The following C1orf87 variants were observed in gnomAD, a reference collection of about 807,000 sequenced individuals.
C1orf87 encodes chromosome 1 open reading frame 87, also known as uncharacterized protein C1orf87.
In C1orf87, 58 loss-of-function variants were observed where a neutral mutation model predicts 60.5. That is an observed-to-expected ratio of 0.96 (90% CI 0.78 to 1.19). The LOEUF (loss-of-function observed/expected upper bound fraction) is 1.19, where lower values mean the gene tolerates loss of function less well. C1orf87 is among the 50% of genes most tolerant of loss of function. The pLI, the probability that C1orf87 is intolerant of heterozygous loss-of-function variation, is 0.00. For synonymous variants in C1orf87, 236 were observed against 227.4 expected (o/e 1.04, Z -0.34); for missense variants, 673 against 638.6 (o/e 1.05, Z -0.58).
intron 8 of C1orf87, among the ~76,000 whole-genome samples, chr1:60,019,382 G>A (rs1574304073): frequency 6.6e-6 from 1 of 152,152 alleles, no homozygotes; most frequent in South Asian, 2.1e-4. Flanking sequence ...AAATCTGTAA[G>A]TCAATTAAAC....
intron 8 of C1orf87, among the ~76,000 whole-genome samples, chr1:60,015,173 T>A (rs1385246052): frequency 6.6e-6 from 1 of 152,146 alleles, no homozygotes; most frequent in Non-Finnish European, 1.5e-5. Context: ...GCTATGGTCT[T>A]AGGGAAGTGA....
chr1:60,071,699 A>T (rs1645585076), intron 2 of C1orf87, among the ~76,000 whole-genome samples: 1 of 152,148 alleles, frequency 6.6e-6, no homozygotes, highest in Non-Finnish European at 1.5e-5. Context: ...CTGAATCTGT[A>T]TTTTTGAGGT....
At chr1:60,065,463 A>G (rs1019281887) in intron 2 of C1orf87, among the ~76,000 whole-genome samples, 1 of 152,046 alleles carries the variant, frequency 6.6e-6, no homozygotes, top group African/African-American at 2.4e-5. Flanking sequence ...GCTCAGAGAC[A>G]GCTTCTGGGA....
At chr1:60,056,651 A>G (rs992096962) in intron 2 of C1orf87, among the ~76,000 whole-genome samples, 1 of 152,236 alleles carries the variant, frequency 6.6e-6, no homozygotes, top group African/African-American at 2.4e-5. Context: ...CCAGAAGTTA[A>G]CAGTATCTCC....
intron 5 of C1orf87, among the ~76,000 whole-genome samples, chr1:60,039,477 C>G (rs973641751): frequency 1.3e-5 from 2 of 152,176 alleles, no homozygotes; most frequent in Non-Finnish European, 2.9e-5. Context: ...TGGACATCCT[C>G]TGGGCCTCAT....
At chr1:60,029,475 C>T (rs1645221441) in intron 7 of C1orf87, among the ~76,000 whole-genome samples, 1 of 151,892 alleles carries the variant, frequency 6.6e-6, no homozygotes, top group Non-Finnish European at 1.5e-5. Flanking sequence ...AAAATTCATG[C>T]TCCTTAGAAA....
At chr1:60,000,667 T>C (rs1279389169) in intron 10 of C1orf87, among the ~76,000 whole-genome samples, 2 of 152,058 alleles carry the variant, frequency 1.3e-5, no homozygotes, top group Admixed American at 1.3e-4. Context: ...TTTTAAAATG[T>C]GGTGTCTGGG....
chr1:60,065,419 T>C (rs1042603066), intron 2 of C1orf87, among the ~76,000 whole-genome samples: 14 of 152,118 alleles, frequency 9.2e-5, no homozygotes, highest in Admixed American at 3.3e-4. Context: ...TTCTAGCTGC[T>C]TATCTCTGCA....
intron 3 of C1orf87, 22 bp downstream of exon 3, chr1:60,055,182 G>A (rs758994537): frequency 1.6e-5 from 25 of 1,545,556 alleles, no homozygotes; most frequent in East Asian, 2.2e-5. Flanking sequence ...CAAGATAAAC[G>A]TGGGTATTTT....
intron 3 of C1orf87, among the ~76,000 whole-genome samples, chr1:60,052,356 G>T (rs549183546): frequency 2.0e-5 from 3 of 152,032 alleles, no homozygotes; most frequent in Non-Finnish European, 4.4e-5. Context: ...AAAAACATAC[G>T]CATATAAAGC....
At chr1:60,059,376 C>A (rs1466960242) in intron 2 of C1orf87, among the ~76,000 whole-genome samples, 1 of 152,130 alleles carries the variant, frequency 6.6e-6, no homozygotes, top group East Asian at 1.9e-4. Flanking sequence ...TCTGGGGGTG[C>A]CGTGAAGAGT....
At chr1:60,010,240 A>G in intron 9 of C1orf87, 152 bp downstream of exon 9, 1 of 703,224 alleles carries the variant, frequency 1.4e-6, no homozygotes, top group Non-Finnish European at 2.5e-6. Flanking sequence ...GGTGATTCTA[A>G]CCCCCATTTT....
At chr1:60,000,656 A>C (rs182862116) in intron 10 of C1orf87, among the ~76,000 whole-genome samples, 18 of 152,074 alleles carry the variant, frequency 1.2e-4, no homozygotes, top group Middle Eastern at 6.8e-3. Context: ...AGGCTATTAC[A>C]TTTTAAAATG....
At chr1:60,007,438 G>C (rs1401403349) in intron 9 of C1orf87, among the ~76,000 whole-genome samples, 1 of 151,880 alleles carries the variant, frequency 6.6e-6, no homozygotes, top group East Asian at 1.9e-4. Context: ...TCCCCATCTT[G>C]TCATTCATTT....
chr1:60,073,581 C>G (rs1249879511), intron 1 of C1orf87, 109 bp downstream of exon 1: 1 of 152,498 alleles, frequency 6.6e-6, no homozygotes, highest in African/African-American at 2.4e-5. Flanking sequence ...CTCTTTGCAC[C>G]TGTCTGGAAT....
At chr1:60,045,352 T>G (rs1436024768) in intron 3 of C1orf87, among the ~76,000 whole-genome samples, 1 of 152,172 alleles carries the variant, frequency 6.6e-6, no homozygotes, top group Admixed American at 6.5e-5. Flanking sequence ...CAAATTAATA[T>G]TATATGTAAT....
rs760978667 is a variant in C1orf87 at position 60,001,131 on chromosome 1, G to A, written c.1218C>T (p.Ala406=). 1.3e-6 allele frequency: 2 copies of A among 1,593,148 alleles called. No homozygotes were observed. Among genetic ancestry groups the A allele is most frequent in the Admixed American group, 3.6e-5 (2 of 55,070 alleles). Residue 406 remains alanine, a synonymous_variant, in exon 10 of 12, where the codon GCC becomes GCT. Coordinates refer to ENST00000371201, the MANE Select transcript of C1orf87 (RefSeq NM_152377.3). The stretch of plus-strand genomic sequence containing the variant: ...CGGGGACTTCAGGCTCCATTGGAGG[G>A]GCAGGGGCTTTCTTTTCATTCTTCC... ...PTGKNEKKAP[A]PPMEPEVPEM...
intron 3 of C1orf87, among the ~76,000 whole-genome samples, chr1:60,046,007 T>C (rs1280686543): frequency 6.6e-6 from 1 of 152,238 alleles, no homozygotes; most frequent in African/African-American, 2.4e-5. Flanking sequence ...TCATAGTTTG[T>C]ATATTCAAAA....
intron 8 of C1orf87, among the ~76,000 whole-genome samples, chr1:60,011,293 T>C (rs1645082901): frequency 6.6e-6 from 1 of 152,014 alleles, no homozygotes; most frequent in South Asian, 2.1e-4. Context: ...AATATGCTCT[T>C]CTCTGGGGTG....
Sources: gnomAD v4.1 joint callset for allele counts (sites outside exome capture counted in the v4.1 genomes callset) on GRCh38, gnomAD v4.1.1 for gene constraint, MANE v1.5 for transcripts, NCBI Gene and HGNC (gene_info 2026-07-23, HGNC 2026-07-21) for gene names.